Variants in GRIA1 observed in about 807,000 individuals in gnomAD.
GRIA1 encodes glutamate receptor 1.
A neutral mutation model predicts 99.2 loss-of-function variants in GRIA1; 31 were observed. The observed-to-expected ratio is 0.31, with a 90% CI of 0.23 to 0.42. GRIA1 has a LOEUF of 0.42. Ranked by LOEUF, GRIA1 falls within the 10% of genes least tolerant of loss-of-function variation. The pLI is 1.00. For missense variants in GRIA1, 782 were observed against 1,157.5 expected (o/e 0.68, Z 4.71); for synonymous variants, 438 against 432.4 (o/e 1.01, Z -0.16).
At chr5:153,731,586 T>A (rs992930137) in intron 11 of GRIA1, among the ~76,000 whole-genome samples, 4 of 152,136 alleles carry the variant, frequency 2.6e-5, no homozygotes, top group Non-Finnish European at 5.9e-5. Flanking sequence ...GAACCCATTT[T>A]TTTCCTAGCT....
At chr5:153,680,243 G>T (rs1200960365) in intron 7 of GRIA1, among the ~76,000 whole-genome samples, 1 of 151,874 alleles carries the variant, frequency 6.6e-6, no homozygotes, top group Non-Finnish European at 1.5e-5. Flanking sequence ...CCTTCACTCC[G>T]CTGTAATTTC....
In GRIA1 at chr5:153,553,561, T is replaced by C. The variant is rs955916185; in HGVS notation, c.220+59496T>C. Among the ~76,000 whole-genome samples, 4 of 152,260 alleles carry C rather than the reference T, an allele frequency of 2.6e-5. 1 individual carries two copies. Among genetic ancestry groups the C allele is most frequent in the Middle Eastern group, 3.4e-3 (1 of 294 alleles). On this transcript the variant is annotated intron_variant, in intron 2 of 15. Transcript: ENST00000285900. Reference sequence around the variant, plus strand: ...CTGATTCTTCCATTGGGATGGACTGTCCATATGCACAGTGGCCTGTTAGTG... The same window carrying C: ...CTGATTCTTCCATTGGGATGGACTGCCCATATGCACAGTGGCCTGTTAGTG...
intron 7 of GRIA1, among the ~76,000 whole-genome samples, chr5:153,681,351 T>TGA (rs1169833881): frequency 1.3e-5 from 2 of 152,286 alleles, no homozygotes; most frequent in East Asian, 3.9e-4. Flanking sequence ...TATTTTAACA[T>TGA]GAGACTTGGA....
rs1157761293 is a variant in GRIA1, at chr5:153,652,767, A to G, written c.645+2253A>G. Among the ~76,000 whole-genome samples, 7 of 152,330 alleles carry G rather than the reference A, an allele frequency of 4.6e-5. No homozygotes were observed. In the East Asian group the frequency reaches 1.3e-3, roughly 29 times the overall value. ...CACTTGATTCTTTGCTTATGCTTACATTTTATAGATAGAATGACTGACGGT... is the reference window on the plus strand; with the variant it reads ...CACTTGATTCTTTGCTTATGCTTACGTTTTATAGATAGAATGACTGACGGT... On this transcript the variant is annotated intron_variant, in intron 4 of 15. Transcript: ENST00000285900.
At chr5:153,744,110 T>G (rs765674834) in intron 11 of GRIA1, among the ~76,000 whole-genome samples, 1 of 152,176 alleles carries the variant, frequency 6.6e-6, no homozygotes, top group Non-Finnish European at 1.5e-5. Context: ...CAGAGCCGGC[T>G]GTGTCTCCAA....
chr5:153,661,438 G>A (rs989245256), intron 5 of GRIA1, among the ~76,000 whole-genome samples: 3 of 152,094 alleles, frequency 2.0e-5, no homozygotes, highest in African/African-American at 7.2e-5. Flanking sequence ...ATCCCTCAAC[G>A]CTCTCGGAAA....
intron 5 of GRIA1, among the ~76,000 whole-genome samples, chr5:153,659,799 G>A (rs1469391974): frequency 6.6e-6 from 1 of 152,188 alleles, no homozygotes; most frequent in Non-Finnish European, 1.5e-5. Flanking sequence ...TAGAGAACTA[G>A]AAGATTGGGA....
At chr5:153,608,779 A>G (rs751115147) in intron 2 of GRIA1, among the ~76,000 whole-genome samples, 59 of 152,122 alleles carry the variant, frequency 3.9e-4, no homozygotes, top group Admixed American at 1.4e-3. Flanking sequence ...ATGTTGTCTT[A>G]TCTTCCTGTA....
At chr5:153,514,591 A>G (rs893249194) in intron 2 of GRIA1, among the ~76,000 whole-genome samples, 1 of 152,194 alleles carries the variant, frequency 6.6e-6, no homozygotes, top group African/African-American at 2.4e-5. Context: ...TGATTAGTAT[A>G]GCTTTGCAAT....
chr5:153,802,246 G>T, intron 14 of GRIA1, 110 bp from the exon 15 acceptor site: 1 of 829,508 alleles, frequency 1.2e-6, no homozygotes, highest in Non-Finnish European at 2.0e-6. Context: ...GTTAAAGAGG[G>T]TGTGGGGTTG....
chr5:153,669,368 T>C (rs1034040637), intron 5 of GRIA1, among the ~76,000 whole-genome samples: 1 of 152,226 alleles, frequency 6.6e-6, no homozygotes, highest in Non-Finnish European at 1.5e-5. Context: ...ATTTTTGTTC[T>C]TATAAGCAAT....
intron 11 of GRIA1, among the ~76,000 whole-genome samples, chr5:153,710,064 G>C (rs1330964024): frequency 4.6e-5 from 7 of 152,070 alleles, no homozygotes; most frequent in Admixed American, 4.6e-4. Flanking sequence ...CCCACCCTTT[G>C]AAATGTATAT....
chr5:153,593,484 G>A (rs777930295), intron 2 of GRIA1, among the ~76,000 whole-genome samples: 2 of 152,138 alleles, frequency 1.3e-5, no homozygotes, highest in African/African-American at 2.4e-5. Flanking sequence ...CAGTATTTAC[G>A]TTATGATGAC....
At chr5:153,626,430 C>CTGTGTG (rs1354402633) in intron 2 of GRIA1, among the ~76,000 whole-genome samples, 12 of 132,786 alleles carry the variant, frequency 9.0e-5, no homozygotes, top group Non-Finnish European at 1.3e-4. Context: ...AATCTAGTCT[C>CTGTGTG]TGTGTGTGTG....
intron 11 of GRIA1, among the ~76,000 whole-genome samples, chr5:153,712,386 A>G (rs769999143): frequency 3.7e-4 from 57 of 152,182 alleles, no homozygotes; most frequent in Non-Finnish European, 7.1e-4. Flanking sequence ...CGGTAGGAAG[A>G]TGGTGGCCAA....
chr5:153,674,253 G>A (rs899255403), intron 5 of GRIA1, among the ~76,000 whole-genome samples: 7 of 152,188 alleles, frequency 4.6e-5, no homozygotes, highest in African/African-American at 1.4e-4. Flanking sequence ...AGTTAATAGT[G>A]GTATAACTAC....
chr5:153,492,079 C>T, intron 1 of GRIA1: 2 of 1,328,454 alleles, frequency 1.5e-6, no homozygotes, highest in Non-Finnish European at 2.0e-6. Context: ...TTTCTAGTCT[C>T]TCTCCCCTGG....
rs763132527 is a variant in GRIA1, at chr5:153,811,306, A to G, written c.*81A>G. On this transcript the variant is annotated 3_prime_UTR_variant, in exon 16 of 16. Coordinates refer to ENST00000285900, the MANE Select transcript of GRIA1 (RefSeq NM_000827.4). The stretch of plus-strand genomic sequence containing the variant: ...AAACCCTTCAGTGCCAAAAACAACA[A>G]CAAAATGAAACGCAACCACCACCAA... The G allele has an allele frequency of 3.5e-4, 321 of 911,810 alleles. No individual in the cohort carries two copies. The highest frequency in any genetic ancestry group is 5.3e-4 in the Non-Finnish European group (300 of 563,364). 56.5% of individuals were successfully genotyped at this position (911,810 alleles called of 1,614,324 possible). A position where few individuals can be genotyped will look rare whatever the true frequency, so the allele number is the denominator to read the frequency against.
intron 2 of GRIA1, among the ~76,000 whole-genome samples, chr5:153,507,962 C>T (rs1256288564): frequency 6.6e-6 from 1 of 152,188 alleles, no homozygotes; most frequent in Non-Finnish European, 1.5e-5. Context: ...CTGAAATAGT[C>T]TCTACCACAT....
Sources: gnomAD v4.1 joint callset for allele counts (sites outside exome capture counted in the v4.1 genomes callset) on GRCh38, gnomAD v4.1.1 for gene constraint, MANE v1.5 for transcripts, NCBI Gene and HGNC (gene_info 2026-07-23, HGNC 2026-07-21) for gene names.